ZNF827: variants seen among roughly 807,000 people sequenced by gnomAD.
ZNF827 encodes the protein zinc finger protein 827.
Under a neutral mutation model 102.4 loss-of-function variants are expected in ZNF827, and 13 were observed. The observed-to-expected ratio is 0.13, with a 90% CI of 0.08 to 0.20. ZNF827 has a LOEUF of 0.20. Ranked by LOEUF, ZNF827 falls within the 10% of genes least tolerant of loss-of-function variation. The pLI is 1.00. For missense variants in ZNF827, 1,103 were observed against 1,344.4 expected, an observed-to-expected ratio of 0.82 and a Z score of 2.81; for synonymous variants, 523 against 536.2, an observed-to-expected ratio of 0.98 and a Z score of 0.34.
intron 8 of ZNF827, among the ~76,000 whole-genome samples, chr4:145,805,134 TG>T (rs1741286933): frequency 4.1e-5 from 6 of 145,694 alleles, no homozygotes; most frequent in Non-Finnish European, 9.1e-5. Flanking sequence ...TTTGTGTGTG[TG>T]TGTGTGTGTG....
At chr4:145,864,823 G>A (rs919196848) in intron 5 of ZNF827, among the ~76,000 whole-genome samples, 1 of 152,014 alleles carries the variant, frequency 6.6e-6, no homozygotes. Context: ...GCCTCACATC[G>A]TCTCTACCAC....
intron 7 of ZNF827, among the ~76,000 whole-genome samples, chr4:145,836,350 C>A (rs1011364692): frequency 6.6e-6 from 1 of 152,176 alleles, no homozygotes; most frequent in South Asian, 2.1e-4. Flanking sequence ...TCTGGCCAAA[C>A]AACTTGACCT....
chr4:145,883,525 T>C (rs573853965), intron 4 of ZNF827, among the ~76,000 whole-genome samples: 13 of 152,280 alleles, frequency 8.5e-5, no homozygotes, highest in Admixed American at 6.5e-4. Flanking sequence ...CCTTATCTTA[T>C]GCTCCCTGAG....
At chr4:145,872,887 A>G (rs1326353522) in intron 4 of ZNF827, among the ~76,000 whole-genome samples, 2 of 151,486 alleles carry the variant, frequency 1.3e-5, no homozygotes, top group Admixed American at 6.6e-5. Context: ...AAAAACAAAA[A>G]CAAAAACAAA....
chr4:145,781,619 G>A (rs79175474), intron 8 of ZNF827, among the ~76,000 whole-genome samples: 1,528 of 152,264 alleles, frequency 0.01, 27 homozygotes, highest in African/African-American at 0.035. Flanking sequence ...AAGGGGAAGA[G>A]GGCAGAAATG....
At chr4:145,801,954 A>T (rs982079644) in intron 8 of ZNF827, among the ~76,000 whole-genome samples, 1 of 152,164 alleles carries the variant, frequency 6.6e-6, no homozygotes, top group African/African-American at 2.4e-5. Context: ...TGGGTCTGCT[A>T]TTCATAGGAA....
In ZNF827 at chr4:145,801,650, G is replaced by A. The variant is rs114658142; in HGVS notation, c.2383+21772C>T. Among the ~76,000 whole-genome samples the A allele has an allele frequency of 8.7e-3, 1,318 of 152,242 alleles. 12 individuals are homozygous for A. Among genetic ancestry groups the A allele is most frequent in the African/African-American group, 0.029 (1,225 of 41,550 alleles). ...ACTACACTCATCCCCAGCACCTTTG[G>A]CATAATTAATGATTGTCAGGGCGTG... On this transcript the variant is annotated intron_variant, in intron 8 of 14. Transcript: ENST00000508784.
chr4:145,811,953 C>T (rs1195654728), intron 8 of ZNF827, among the ~76,000 whole-genome samples: 1 of 151,880 alleles, frequency 6.6e-6, no homozygotes, highest in Non-Finnish European at 1.5e-5. Flanking sequence ...CTCACTCTGT[C>T]ACCCAGGCTG....
intron 7 of ZNF827, among the ~76,000 whole-genome samples, chr4:145,828,785 T>C (rs947443681): frequency 3.3e-5 from 5 of 152,114 alleles, no homozygotes; most frequent in Admixed American, 2.6e-4. Flanking sequence ...GCATGGGATG[T>C]GGGGTCAGCA....
At chr4:145,936,739 G>A (rs1283698099) in intron 1 of ZNF827, among the ~76,000 whole-genome samples, 1 of 152,072 alleles carries the variant, frequency 6.6e-6, no homozygotes, top group African/African-American at 2.4e-5. Flanking sequence ...CACACAGCCC[G>A]AGCCCGAGAC....
rs112749496 is a variant in ZNF827, at chr4:145,780,353, G to A, written c.2384-842C>T. Among the ~76,000 whole-genome samples, 197 of 152,232 alleles carry A rather than the reference G, an allele frequency of 1.3e-3. 1 individual carries two copies. Among genetic ancestry groups the A allele is most frequent in the African/African-American group, 4.5e-3 (188 of 41,524 alleles). On this transcript the variant is annotated intron_variant, in intron 8 of 14. Coordinates refer to ENST00000508784, the MANE Select transcript of ZNF827 (RefSeq NM_001306215.2). ...CAGTTTGTGCAAAATCCTTAATGAG[G>A]AATTTGTGCTAAGTAGAATCAGTGA... is the stretch of plus-strand genomic sequence containing the variant.
intron 3 of ZNF827, among the ~76,000 whole-genome samples, chr4:145,888,682 G>A (rs796852339): frequency 1.3e-5 from 2 of 152,144 alleles, no homozygotes; most frequent in African/African-American, 2.4e-5. Context: ...CCTGACTCTC[G>A]GTCAGTTTCC....
chr4:145,760,735 TTTGTC>T lies in ZNF827; in HGVS notation c.*876_*880del. 2.0e-6 allele frequency: 2 copies of T among 999,112 alleles called. No homozygotes were observed. Among genetic ancestry groups the T allele is most frequent in the East Asian group, 9.7e-5 (1 of 10,324 alleles). The allele number at this position is 999,112 out of a possible 1,614,324, so 61.9% of individuals were successfully genotyped here. On this transcript the variant is annotated 3_prime_UTR_variant, in exon 15 of 15. Coordinates refer to ENST00000508784, the MANE Select transcript of ZNF827 (RefSeq NM_001306215.2). ...AAGTTTTGTGGTTTTTTTTTTTTTT[TTTGTC>T]TTTTGTCTCTCTGTTTTTGGTACAG...
chr4:145,837,969 C>T (rs1342803494), intron 7 of ZNF827, among the ~76,000 whole-genome samples: 1 of 151,986 alleles, frequency 6.6e-6, no homozygotes, highest in Non-Finnish European at 1.5e-5. Context: ...CATTCTCTCT[C>T]CATACCACCC....
At chr4:145,926,743 T>C (rs1314085352) in intron 1 of ZNF827, among the ~76,000 whole-genome samples, 4 of 152,164 alleles carry the variant, frequency 2.6e-5, no homozygotes, top group South Asian at 4.1e-4. Context: ...AATAAATTAA[T>C]AGTTAATATT....
intron 6 of ZNF827, among the ~76,000 whole-genome samples, chr4:145,849,063 A>C (rs1746266009): frequency 6.6e-6 from 1 of 152,156 alleles, no homozygotes; most frequent in South Asian, 2.1e-4. Flanking sequence ...AGTCAACAGG[A>C]ATCATTTGCG....
chr4:145,855,806 A>AAGC (rs1747039096), intron 5 of ZNF827, among the ~76,000 whole-genome samples: 1 of 152,192 alleles, frequency 6.6e-6, no homozygotes, highest in Non-Finnish European at 1.5e-5. Context: ...CCCTGAAGCC[A>AAGC]TCCCCTCACC....
chr4:145,871,633 T>A (rs1192262793), intron 4 of ZNF827, among the ~76,000 whole-genome samples: 1 of 152,180 alleles, frequency 6.6e-6, no homozygotes. Context: ...GAAACACTTA[T>A]TAGAATGAGC....
chr4:145,893,910 G>T (rs775328906), intron 2 of ZNF827, among the ~76,000 whole-genome samples: 3 of 151,758 alleles, frequency 2.0e-5, no homozygotes, highest in African/African-American at 7.3e-5. Flanking sequence ...AAAGAGAAGG[G>T]GTTATGGAAA....
Sources: allele counts gnomAD v4.1 joint callset (sites outside exome capture counted in the v4.1 genomes callset), GRCh38; gene constraint gnomAD v4.1.1; transcripts MANE v1.5; gene names NCBI Gene and HGNC (gene_info 2026-07-23, HGNC 2026-07-21).